The following CLPTM1L variants were observed in gnomAD, a reference collection of about 807,000 sequenced individuals.
CLPTM1L encodes the protein lipid scramblase CLPTM1L.
In CLPTM1L, 38 loss-of-function variants were observed where a neutral mutation model predicts 70.9. The observed-to-expected ratio is 0.54, with a 90% CI of 0.41 to 0.70. The LOEUF is 0.70. Among genes scored for constraint, CLPTM1L ranks in the 30% least tolerant of loss-of-function variants. The pLI is 0.00. For missense variants in CLPTM1L, 652 were observed against 705.9 expected, an observed-to-expected ratio of 0.92 and a Z score of 0.87; for synonymous variants, 339 against 299.9, an observed-to-expected ratio of 1.13 and a Z score of -1.35.
At chr5:1,321,951 T>C (rs1752183593) in intron 13 of CLPTM1L, 132 bp from the exon 14 acceptor site, 1 of 794,022 alleles carries the variant, frequency 1.3e-6, no homozygotes, top group Non-Finnish European at 2.2e-6. Flanking sequence ...CAAGGTCTGC[T>C]ATCCAGACAA....
intron 9 of CLPTM1L, among the ~76,000 whole-genome samples, chr5:1,328,976 A>ACAGCTCCTCCTCTACAGACACATTTCATC (rs1752878974): frequency 7.5e-6 from 1 of 133,948 alleles, no homozygotes; most frequent in Non-Finnish European, 1.6e-5. Context: ...CACATTTCAT[A>ACAGCTCCTCCTCTACAGACACATTTCATC]CAGCTCCTCC....
chr5:1,341,928 C>T, intron 2 of CLPTM1L, 68 bp from the exon 3 acceptor site: 1 of 1,290,854 alleles, frequency 7.7e-7, no homozygotes, highest in Non-Finnish European at 1.1e-6. Context: ...TATTCAAATA[C>T]CTTTATAAAG....
chr5:1,319,247 G>A (rs1752006622), intron 16 of CLPTM1L, among the ~76,000 whole-genome samples: 1 of 151,728 alleles, frequency 6.6e-6, no homozygotes. Flanking sequence ...GGTGAACGGG[G>A]GACAGGAACC....
intron 9 of CLPTM1L, 82 bp from the exon 10 acceptor site, chr5:1,325,898 AGGACCTGCTGCCCAT>A: frequency 8.3e-7 from 1 of 1,203,992 alleles, no homozygotes; most frequent in Non-Finnish European, 1.2e-6. Flanking sequence ...AGTAACGGGT[AGGACCTGCTGCCCAT>A]GGCCCCGCGC....
intron 9 of CLPTM1L, 171 bp from the exon 10 acceptor site, chr5:1,325,987 G>A: frequency 1.7e-6 from 1 of 602,986 alleles, no homozygotes; most frequent in South Asian, 2.1e-5. Flanking sequence ...CTGGACCTGG[G>A]CCTCTAACCC....
At chr5:1,325,188 C>A (rs114519595) in intron 10 of CLPTM1L, 241 of 312,992 alleles carry the variant, frequency 7.7e-4, no homozygotes, top group African/African-American at 4.9e-3. Flanking sequence ...AGTGGCTGCG[C>A]TGCGTGTGCT....
intron 2 of CLPTM1L, among the ~76,000 whole-genome samples, chr5:1,343,895 T>C (rs1754104068): frequency 6.6e-6 from 1 of 152,240 alleles, no homozygotes; most frequent in South Asian, 2.1e-4. Context: ...ATTTGGACAT[T>C]GATCTATTCT....
Position 1,335,048 on chromosome 5 carries a change from G to C in CLPTM1L, c.796+9C>G. On this transcript the variant is annotated intron_variant, in intron 6 of 16. Transcript: ENST00000320895. ...CCTCACCCAGGCGCCGGCCGTGTGC[G>C]GCACATACCGAACTGCTGCAGGGAG... 2.5e-6 allele frequency: 4 copies of C among 1,609,516 alleles called. No individual in the cohort carries two copies. The highest frequency in any genetic ancestry group is 3.4e-6 in the Non-Finnish European group (4 of 1,176,892).
At chr5:1,328,825 T>C (rs1385538622) in intron 9 of CLPTM1L, among the ~76,000 whole-genome samples, 8 of 148,578 alleles carry the variant, frequency 5.4e-5, no homozygotes, top group South Asian at 2.1e-4. Flanking sequence ...TACAGACACA[T>C]TGCATCCAGC....
intron 10 of CLPTM1L, chr5:1,325,419 C>A: frequency 2.5e-6 from 1 of 395,350 alleles, no homozygotes; most frequent in Admixed American, 3.9e-5. Flanking sequence ...GTACGGACCC[C>A]AGTCAGCACC....
chr5:1,337,819 T>A, intron 5 of CLPTM1L, 85 bp downstream of exon 5: 1 of 1,052,388 alleles, frequency 9.5e-7, no homozygotes, highest in Non-Finnish European at 1.4e-6. Context: ...AATGGCCCGG[T>A]CCATTAGGGT....
intron 3 of CLPTM1L, among the ~76,000 whole-genome samples, chr5:1,340,452 A>G (rs1266054160): frequency 6.6e-6 from 1 of 152,154 alleles, no homozygotes; most frequent in Non-Finnish European, 1.5e-5. Flanking sequence ...TTTCCTACCT[A>G]AAGATGCAGT....
chr5:1,335,131 T>A lies in CLPTM1L; in HGVS notation c.722A>T (p.Tyr241Phe). Residue 241 changes from tyrosine to phenylalanine, a missense_variant, in exon 6 of 17, where the codon TAC becomes TTC. Physicochemically the swap from Tyr to Phe is conservative, Grantham distance 22 (BLOSUM62 3). Transcript: ENST00000320895. Reference sequence around the variant, plus strand: ...CAGCCGCCCCAGTGAGACCTTGTCGTAGGACACGGTGAGGGGCAGCTCGGT... The same window carrying A: ...CAGCCGCCCCAGTGAGACCTTGTCGAAGGACACGGTGAGGGGCAGCTCGGT... ...STTELPLTVS[Y>F]DKVSLGRLRF... The A allele has an allele frequency of 6.2e-7, 1 of 1,613,726 alleles. No individual in the cohort carries two copies. The highest frequency in any genetic ancestry group is 8.5e-7 in the Non-Finnish European group (1 of 1,180,020).
chr5:1,323,951 A>G (rs1752345734), intron 11 of CLPTM1L, 82 bp from the exon 12 acceptor site: 1 of 1,083,150 alleles, frequency 9.2e-7, no homozygotes, highest in African/African-American at 1.6e-5. Context: ...TCACCCCGAC[A>G]GGGACAGACA....
rs1753409106 is a variant in CLPTM1L at position 1,334,307 on chromosome 5, G to C, written c.873C>G (p.Phe291Leu). The C allele has an allele frequency of 1.9e-6, 3 of 1,613,576 alleles. No individual in the cohort carries two copies. The African/African-American group carries it at 4.0e-5, about 22-fold the overall frequency. ...DTNLYFLALT[F>L]FVAAFHLLFD... ...GACTCACATGGAACGCTGCGACAAA[G>C]AAGGTCAGCGCCAGGAAGTATAAGT... Residue 291 changes from phenylalanine to leucine, a missense_variant, in exon 7 of 17, where the codon TTC becomes TTG. Physicochemically the swap from Phe to Leu is conservative, Grantham distance 22. Coordinates refer to ENST00000320895, the MANE Select transcript of CLPTM1L (RefSeq NM_030782.5).
rs1560873128 is a variant in CLPTM1L at position 1,342,042 on chromosome 5, A to ATGTGTGTG, written c.264-183_264-182insCACACACA. ...TGTGTGTGTGTGTGTGTGTGTGTGC[A>ATGTGTGTG]CGCGCACGCGTGCGCGTCCTGAGAA... On this transcript the variant is annotated intron_variant, in intron 2 of 16. Transcript: ENST00000320895. The surrounding 1 kb of genome is among the most constrained non-coding windows in gnomAD (Gnocchi z 4.3). 1.9e-4 allele frequency among the ~76,000 whole-genome samples: 28 copies of ATGTGTGTG among 146,652 alleles called. No homozygotes were observed. Among genetic ancestry groups the ATGTGTGTG allele is most frequent in the African/African-American group, 5.6e-4 (22 of 38,978 alleles).
chr5:1,327,121 G>T (rs1752643221), intron 9 of CLPTM1L, among the ~76,000 whole-genome samples: 1 of 150,278 alleles, frequency 6.7e-6, no homozygotes, highest in African/African-American at 2.5e-5. Context: ...ATTCCATCCA[G>T]CTCCTCCTCT....
intron 13 of CLPTM1L, among the ~76,000 whole-genome samples, chr5:1,322,529 A>G (rs1752216508): frequency 6.6e-6 from 1 of 152,236 alleles, no homozygotes; most frequent in Admixed American, 6.5e-5. Flanking sequence ...AAAACAGACA[A>G]CAGTCATGCA....
At position 1,341,736 on chromosome 5, in the gene CLPTM1L, G is replaced by T. The variant is rs750968592; in HGVS notation, c.388C>A (p.Leu130Met). The T allele has an allele frequency of 1.9e-6, 3 of 1,614,070 alleles. No individual in the cohort carries two copies. The highest frequency in any genetic ancestry group is 2.5e-6 in the Non-Finnish European group (3 of 1,179,990). Residue 130 changes from leucine to methionine, a missense_variant, in exon 3 of 17, where the codon CTG becomes ATG. Transcript: ENST00000320895. ...DGKQVHLVSP[L>M]TTYMVPKPEE... ...GGCTTGGGGACCATGTAGGTGGTCA[G>T]AGGACTGACCAGGTGCACCTGCTTC...
Sources: gnomAD v4.1 joint callset for allele counts (sites outside exome capture counted in the v4.1 genomes callset) on GRCh38, gnomAD v4.1.1 for gene constraint, Gnocchi (gnomAD v3.1) non-coding constraint, MANE v1.5 for transcripts, NCBI Gene and HGNC (gene_info 2026-07-23, HGNC 2026-07-21) for gene names.